Variants in TMTC1 observed in about 807,000 individuals in gnomAD.
TMTC1 encodes the protein transmembrane O-mannosyltransferase targeting cadherins 1.
TMTC1 carries 73 observed loss-of-function variants against 104.8 expected under a neutral mutation model. That is an observed-to-expected ratio of 0.70 (90% CI 0.58 to 0.85). The LOEUF is 0.85. TMTC1 is among the 40% of genes least tolerant of loss of function. The pLI is 0.00. For missense variants in TMTC1, 1,035 were observed against 1,096.1 expected (o/e 0.94, Z 0.79); for synonymous variants, 434 against 428.7 (o/e 1.01, Z -0.15).
chr12:29,665,304 A>G (rs1280782261), intron 5 of TMTC1, among the ~76,000 whole-genome samples: 1 of 152,232 alleles, frequency 6.6e-6, no homozygotes, highest in Non-Finnish European at 1.5e-5. Context: ...TTGGCATTGT[A>G]AAACAGTATT....
intron 5 of TMTC1, among the ~76,000 whole-genome samples, chr12:29,659,159 A>G (rs929695487): frequency 1.3e-5 from 2 of 152,166 alleles, no homozygotes; most frequent in African/African-American, 4.8e-5. Flanking sequence ...CCTCTGCACA[A>G]TTCTCTGCAC....
chr12:29,666,089 A>C lies in TMTC1; in HGVS notation c.939-32753T>G, dbSNP rs148582898. 1.3e-4 allele frequency: 50 copies of C among 386,434 alleles called. No individual in the cohort carries two copies. In the East Asian group the frequency reaches 3.7e-3, roughly 29 times the overall value. The allele number at this position is 386,434 out of a possible 1,614,324, so 23.9% of individuals were successfully genotyped here. ...ATTGCAACAGACCCATCCTCACCTT[A>C]AGGTTTTCCTTACAGTGCTTTAACA... On this transcript the variant is annotated intron_variant, in intron 5 of 17. Transcript: ENST00000539277.
chr12:29,506,209 T>A lies in TMTC1; in HGVS notation c.*637A>T, dbSNP rs1943691403. On this transcript the variant is annotated 3_prime_UTR_variant, in exon 18 of 18. Transcript: ENST00000539277. ...TGATTTCCCCCTAGGGATAAAGATA[T>A]CCATGTACAATTCCAGGAGCTTCCC... The A allele has an allele frequency of 6.6e-6, 1 of 152,170 alleles. No individual in the cohort carries two copies. The highest frequency in any genetic ancestry group is 6.5e-5 in the Admixed American group (1 of 15,276). 9.4% of individuals were successfully genotyped at this position (152,170 alleles called of 1,614,324 possible).
Position 29,695,793 on chromosome 12 carries a change from TTA to T in TMTC1, c.938+55871_938+55872del, listed in dbSNP as rs113135039. On this transcript the variant is annotated intron_variant, in intron 5 of 17. Coordinates refer to ENST00000539277, the MANE Select transcript of TMTC1 (RefSeq NM_001193451.2). ...TCACAAATTTTAAACTACTTCCTTT[TTA>T]TATATATATATATATATATATATAT... 1.1e-3 allele frequency among the ~76,000 whole-genome samples: 91 copies of T among 83,772 alleles called. 1 individual carries two copies. The highest frequency in any genetic ancestry group is 1.9e-3 in the South Asian group (5 of 2,644). 55.0% of individuals were successfully genotyped at this position (83,772 alleles called of 152,430 possible). A position where few individuals can be genotyped will look rare whatever the true frequency, so the allele number is the denominator to read the frequency against.
At chr12:29,708,220 G>C (rs144445629) in intron 5 of TMTC1, among the ~76,000 whole-genome samples, 1 of 152,164 alleles carries the variant, frequency 6.6e-6, no homozygotes, top group Admixed American at 6.5e-5. Flanking sequence ...AATATATAAT[G>C]AGGTGCTCTG....
intron 10 of TMTC1, among the ~76,000 whole-genome samples, chr12:29,555,896 C>T (rs1945231580): frequency 6.6e-6 from 1 of 151,300 alleles, no homozygotes; most frequent in South Asian, 2.1e-4. Context: ...TGAGGAATCA[C>T]CACACTGTCT....
In TMTC1 at chr12:29,517,538, CA is replaced by C; in HGVS notation, c.2057del (p.Leu686CysfsTer44). ...TGTAATACAGTGCTCCCAAAGGTGA[CA>C]ATATCTCAGCTTTGTGTGCCACCTG... Reference protein sequence around the residue: ...ALQVAHKAEILSPLGALYYNT... With the variant: ...ALQVAHKAEIXSPLGALYYNT... On this transcript the variant is annotated frameshift_variant, in exon 14 of 18. Transcript: ENST00000539277. LOFTEE classifies it high-confidence loss of function. 1.2e-6 allele frequency: 2 copies of C among 1,614,140 alleles called. No homozygotes were observed. The highest frequency in any genetic ancestry group is 1.7e-6 in the Non-Finnish European group (2 of 1,180,012).
At chr12:29,547,442 G>A (rs559619495) in intron 10 of TMTC1, among the ~76,000 whole-genome samples, 2 of 152,178 alleles carry the variant, frequency 1.3e-5, no homozygotes, top group Non-Finnish European at 2.9e-5. Flanking sequence ...TTAATCATTA[G>A]CAATCTGTTT....
chr12:29,519,517 A>T (rs1164896528), intron 12 of TMTC1: 2 of 152,126 alleles, frequency 1.3e-5, no homozygotes, highest in Non-Finnish European at 2.9e-5. Flanking sequence ...TCTAAATAGA[A>T]TGGAATGTCT....
Position 29,502,647 on chromosome 12 carries a change from C to G in TMTC1, c.*4199G>C, listed in dbSNP as rs1416068122. ...TGTAATCATGGAATGATAGCCTCAA[C>G]CAACCAATTGTGCCATACATCATTG... is the stretch of plus-strand genomic sequence containing the variant. On this transcript the variant is annotated 3_prime_UTR_variant, in exon 18 of 18. Coordinates refer to ENST00000539277, the MANE Select transcript of TMTC1 (RefSeq NM_001193451.2). The G allele has an allele frequency of 6.6e-6, 1 of 152,202 alleles. No individual in the cohort carries two copies. Among genetic ancestry groups the G allele is most frequent in the Non-Finnish European group, 1.5e-5 (1 of 68,030 alleles). The allele number at this position is 152,202 out of a possible 1,614,324, so 9.4% of individuals were successfully genotyped here. A position where few individuals can be genotyped will look rare whatever the true frequency, so the allele number is the denominator to read the frequency against.
intron 9 of TMTC1, among the ~76,000 whole-genome samples, chr12:29,569,336 T>C (rs1037481646): frequency 1.3e-5 from 2 of 152,232 alleles, no homozygotes; most frequent in African/African-American, 4.8e-5. Flanking sequence ...GTACAGCCCT[T>C]ATGATTAATT....
intron 15 of TMTC1, among the ~76,000 whole-genome samples, chr12:29,516,066 C>T (rs995174573): frequency 1.8e-4 from 28 of 151,678 alleles, no homozygotes; most frequent in African/African-American, 5.8e-4. Context: ...AATAATAAAG[C>T]ATATAAATGT....
chr12:29,782,463 C>G (rs12811019), intron 1 of TMTC1, among the ~76,000 whole-genome samples: 1 of 151,526 alleles, frequency 6.6e-6, no homozygotes, highest in Admixed American at 6.6e-5. Flanking sequence ...ACACCCGTTG[C>G]AAAAAGGCTT....
chr12:29,645,138 G>C (rs79658082), intron 5 of TMTC1, among the ~76,000 whole-genome samples: 5,773 of 152,302 alleles, frequency 0.038, 162 homozygotes, highest in Admixed American at 0.066. Flanking sequence ...AAATCAGCCT[G>C]ATAATAAAAT....
In TMTC1 at chr12:29,618,649, G is replaced by C. The variant is rs187509736; in HGVS notation, c.1129-14350C>G. Among the ~76,000 whole-genome samples, 484 of 151,948 alleles carry C rather than the reference G, an allele frequency of 3.2e-3. 3 individuals carry two copies. Among genetic ancestry groups the C allele is most frequent in the Non-Finnish European group, 2.9e-3 (200 of 67,978 alleles). ...AGGCTCCTTGGGCACTGCACTTACA[G>C]CTAATCACCTAAAGAATCTGACAGT... is the stretch of plus-strand genomic sequence containing the variant. On this transcript the variant is annotated intron_variant, in intron 6 of 17. Coordinates refer to ENST00000539277, the MANE Select transcript of TMTC1 (RefSeq NM_001193451.2).
At chr12:29,597,233 C>CTTTCTT (rs1565697536) in intron 7 of TMTC1, among the ~76,000 whole-genome samples, 1 of 131,344 alleles carries the variant, frequency 7.6e-6, no homozygotes, top group African/African-American at 3.7e-5. Flanking sequence ...TTCTTTCTTT[C>CTTTCTT]TTTTCTTTCT....
chr12:29,573,491 G>A (rs1475210686), intron 8 of TMTC1, among the ~76,000 whole-genome samples: 2 of 152,070 alleles, frequency 1.3e-5, no homozygotes, highest in Non-Finnish European at 2.9e-5. Flanking sequence ...CAGCCCTCAG[G>A]GAGTTTATGA....
intron 11 of TMTC1, among the ~76,000 whole-genome samples, chr12:29,521,566 C>CTT (rs3036151): frequency 0.42 from 37,420 of 88,942 alleles, 5,817 homozygotes; most frequent in Non-Finnish European, 0.45. Context: ...TTCTTTCTTT[C>CTT]TTTTTTTTTT....
At chr12:29,598,361 C>A (rs1946468383) in intron 7 of TMTC1, among the ~76,000 whole-genome samples, 1 of 152,138 alleles carries the variant, frequency 6.6e-6, no homozygotes, top group Admixed American at 6.5e-5. Flanking sequence ...AGAAATAAAT[C>A]CTACAGAATT....
Sources: gnomAD v4.1 joint callset for allele counts (sites outside exome capture counted in the v4.1 genomes callset) on GRCh38, gnomAD v4.1.1 for gene constraint, MANE v1.5 for transcripts, NCBI Gene and HGNC (gene_info 2026-07-23, HGNC 2026-07-21) for gene names.